EP400: variants seen among roughly 807,000 people sequenced by gnomAD.
EP400 encodes the protein E1A-binding protein p400.
A neutral mutation model predicts 354.1 loss-of-function variants in EP400; 105 were observed. The observed-to-expected ratio is 0.30, with a 90% CI of 0.25 to 0.35. The LOEUF (loss-of-function observed/expected upper bound fraction) is 0.35, where lower values mean the gene tolerates loss of function less well. Among genes scored for constraint, EP400 ranks in the 10% least tolerant of loss-of-function variants. The pLI is 1.00. For missense variants in EP400, 3,280 were observed against 4,121.0 expected (o/e 0.80, Z 5.59); for synonymous variants, 1,646 against 1,716.9 (o/e 0.96, Z 1.02).
chr12:132,017,439 C>G lies in EP400; in HGVS notation c.3924-96C>G. 1.5e-6 allele frequency: 2 copies of G among 1,372,910 alleles called. No homozygotes were observed. Among genetic ancestry groups the G allele is most frequent in the Non-Finnish European group, 2.0e-6 (2 of 997,864 alleles). The allele number at this position is 1,372,910 out of a possible 1,614,324, so 85.0% of individuals were successfully genotyped here. On this transcript the variant is annotated intron_variant, in intron 19 of 52. Transcript: ENST00000389561. This position sits in a 1 kb window ranked among gnomAD's most constrained non-coding sequence, Gnocchi z 5.0. Reference sequence around the variant, plus strand: ...GCGGACCTAGAAAATCTGCTCCTGCCTGCCTTTCTGGAGTTGGGACAGTCG... The same window carrying G: ...GCGGACCTAGAAAATCTGCTCCTGCGTGCCTTTCTGGAGTTGGGACAGTCG...
Position 132,013,309 on chromosome 12 carries a change from C to G in EP400, c.3611+131C>G. 7.0e-7 allele frequency: 1 copy of G among 1,423,920 alleles called. No homozygotes were observed. The allele number at this position is 1,423,920 out of a possible 1,614,324, so 88.2% of individuals were successfully genotyped here. A position where few individuals can be genotyped will look rare whatever the true frequency, so the allele number is the denominator to read the frequency against. On this transcript the variant is annotated intron_variant, in intron 17 of 52. Coordinates refer to ENST00000389561, the MANE Select transcript of EP400 (RefSeq NM_015409.5). The surrounding 1 kb of genome is among the most constrained non-coding windows in gnomAD (Gnocchi z 4.5). ...AGAGAATTGCTTTTCATCTTCATCC[C>G]AGCACATGGGCCAGAGAGCCCCAGA...
At chr12:132,036,798 G>A (rs1189937636) in intron 30 of EP400, among the ~76,000 whole-genome samples, 1 of 152,196 alleles carries the variant, frequency 6.6e-6, no homozygotes, top group Admixed American at 6.5e-5. Flanking sequence ...TTAAAGGCCA[G>A]GAAAGTCTTC....
chr12:132,053,599 T>A lies in EP400; in HGVS notation c.7728+2T>A. On this transcript the variant is annotated splice_donor_variant, in intron 43 of 52. Transcript: ENST00000389561. LOFTEE classifies it high-confidence loss of function. ...ACGGGGGGCAGTGCAGCCGTACTGG[T>A]GAGCAGGGGCCTCCTCCCGGGCTTC... 6.5e-7 allele frequency: 1 copy of A among 1,531,768 alleles called. No individual in the cohort carries two copies. The highest frequency in any genetic ancestry group is 2.1e-4 in the Middle Eastern group (1 of 4,772). 94.9% of individuals were successfully genotyped at this position (1,531,768 alleles called of 1,614,324 possible). A position where few individuals can be genotyped will look rare whatever the true frequency, so the allele number is the denominator to read the frequency against.
chr12:132,006,151 A>G lies in EP400; in HGVS notation c.2975A>G (p.Asp992Gly). Residue 992 changes from aspartate to glycine, a missense_variant, in exon 14 of 53, where the codon GAC (aspartate) becomes GGC (glycine). By Grantham distance (94) the Asp-to-Gly change is moderately conservative. Transcript: ENST00000389561. ...DCPGDRESRK[D>G]LVLIDSLFIM... is the part of the protein sequence containing the mutation. ...CCAGGCGACAGGGAGAGTCGCAAGG[A>G]CTTGGTTCTCATCGACTCGCTTTTC... is the stretch of plus-strand genomic sequence containing the variant. 6.2e-7 allele frequency: 1 copy of G among 1,614,186 alleles called. No individual in the cohort carries two copies. Among genetic ancestry groups the G allele is most frequent in the Non-Finnish European group, 8.5e-7 (1 of 1,180,028 alleles).
chr12:132,055,492 TGA>T lies in EP400; in HGVS notation c.7884+286_7884+287del, dbSNP rs1450700703. Among the ~76,000 whole-genome samples, 16 of 131,910 alleles carry T rather than the reference TGA, an allele frequency of 1.2e-4. No homozygotes were observed. The East Asian group carries it at 3.7e-3, about 31-fold the overall frequency. 86.5% of individuals were successfully genotyped at this position (131,910 alleles called of 152,430 possible). On this transcript the variant is annotated intron_variant, in intron 45 of 52. Transcript: ENST00000389561. ...TGTGTGTGAGGTGTAGGGGTGTGTG[TGA>T]GGTGTAGGTGTGTGTGTGTGAGGTG...
intron 32 of EP400, among the ~76,000 whole-genome samples, chr12:132,040,538 A>C (rs1894864946): frequency 6.6e-6 from 1 of 152,250 alleles, no homozygotes; most frequent in Non-Finnish European, 1.5e-5. Context: ...TTCAACACAC[A>C]GATTCTTTTG....
intron 51 of EP400, among the ~76,000 whole-genome samples, chr12:132,069,978 A>AT (rs1392670777): frequency 6.6e-6 from 1 of 151,836 alleles, no homozygotes; most frequent in Non-Finnish European, 1.5e-5. Flanking sequence ...ATTTTTTGAT[A>AT]TTTTTTGATA....
chr12:131,962,531 CTGTT>C (rs1328130949), intron 2 of EP400, among the ~76,000 whole-genome samples: 7 of 152,156 alleles, frequency 4.6e-5, no homozygotes, highest in Admixed American at 6.5e-5. Flanking sequence ...TGGCAAAAAA[CTGTT>C]TGAGAAGTTA....
intron 34 of EP400, 47 bp downstream of exon 34, chr12:132,043,775 C>A: frequency 6.6e-7 from 1 of 1,510,014 alleles, no homozygotes; most frequent in Non-Finnish European, 9.0e-7. Context: ...GCAATATTTT[C>A]AGAGTTAAGT....
Position 132,006,281 on chromosome 12 carries a change from C to T in EP400, c.3105C>T (p.Gly1035=), listed in dbSNP as rs1176730559. ...TAVAEAILPK[G]SARVTTSVKF... ...TGGCTGAAGCCATCCTGCCGAAGGG[C>T]AGTGCTCGGGTCACAACCTCGGTGA... Residue 1035 remains glycine, a synonymous_variant, in exon 14 of 53, where the codon GGC becomes GGT. Coordinates refer to ENST00000389561, the MANE Select transcript of EP400 (RefSeq NM_015409.5). The T allele has an allele frequency of 6.2e-7, 1 of 1,614,062 alleles. No individual in the cohort carries two copies. Among genetic ancestry groups the T allele is most frequent in the Non-Finnish European group, 8.5e-7 (1 of 1,180,030 alleles).
intron 10 of EP400, among the ~76,000 whole-genome samples, 177 bp from the exon 11 acceptor site, chr12:131,991,996 G>A (rs1443658742): frequency 6.6e-6 from 1 of 152,234 alleles, no homozygotes; most frequent in East Asian, 1.9e-4. Flanking sequence ...AACACAGTGA[G>A]CATTGATCAT....
At chr12:132,044,457 A>G in intron 35 of EP400, 146 bp downstream of exon 35, 1 of 1,305,704 alleles carries the variant, frequency 7.7e-7, no homozygotes, top group East Asian at 2.5e-5. Flanking sequence ...AACCTCACTT[A>G]TGTTCTAAAA....
At position 132,050,818 on chromosome 12, in the gene EP400, C is replaced by T. The variant is rs972069066; in HGVS notation, c.7394+163C>T. 6.0e-5 allele frequency: 49 copies of T among 822,662 alleles called. No homozygotes were observed. Among genetic ancestry groups the T allele is most frequent in the Non-Finnish European group, 7.7e-5 (39 of 504,256 alleles). The allele number at this position is 822,662 out of a possible 1,614,324, so 51.0% of individuals were successfully genotyped here. The stretch of plus-strand genomic sequence containing the variant: ...TGCAGGAGAGAGGTGCTTTTCCTGC[C>T]GTGGGCTAGGGTATGCATAGGACGG... On this transcript the variant is annotated intron_variant, in intron 41 of 52. Transcript: ENST00000389561. The surrounding 1 kb of genome is among the most constrained non-coding windows in gnomAD (Gnocchi z 4.8).
chr12:131,991,229 T>C (rs904334824), intron 9 of EP400, among the ~76,000 whole-genome samples, 178 bp from the exon 10 acceptor site: 1 of 152,152 alleles, frequency 6.6e-6, no homozygotes, highest in Non-Finnish European at 1.5e-5. Context: ...CTGAAAGTCA[T>C]AGAGCCACAA....
In EP400 at chr12:132,073,919, G is replaced by GTTTTTTTT. The variant is rs34186152; in HGVS notation, c.9022-2577_9022-2570dup. ...TTCCGGATTGGCATTGTTTTTTGGG[G>GTTTTTTTT]TTTTTTTTTTTTTTTTTTTTTTTTT... On this transcript the variant is annotated intron_variant, in intron 51 of 52. Transcript: ENST00000389561. Among the ~76,000 whole-genome samples the GTTTTTTTT allele has an allele frequency of 1.1e-4, 9 of 82,134 alleles. 2 individuals are homozygous for GTTTTTTTT. Among genetic ancestry groups the GTTTTTTTT allele is most frequent in the East Asian group, 9.8e-4 (3 of 3,068 alleles). 53.9% of individuals were successfully genotyped at this position (82,134 alleles called of 152,430 possible).
intron 23 of EP400, among the ~76,000 whole-genome samples, chr12:132,022,489 T>C (rs1274575254): frequency 6.6e-6 from 1 of 152,248 alleles, no homozygotes; most frequent in Non-Finnish European, 1.5e-5. Flanking sequence ...AATTCTGGCA[T>C]GGATTTCTCG....
In EP400 at chr12:132,018,461, G is replaced by T; in HGVS notation, c.4277+85G>T. 4 of 1,508,358 alleles carry T rather than the reference G, an allele frequency of 2.7e-6. No individual in the cohort carries two copies. Among genetic ancestry groups the T allele is most frequent in the East Asian group, 2.3e-5 (1 of 43,878 alleles). The allele number at this position is 1,508,358 out of a possible 1,614,324, so 93.4% of individuals were successfully genotyped here. On this transcript the variant is annotated intron_variant, in intron 21 of 52. Transcript: ENST00000389561. The surrounding 1 kb of genome is among the most constrained non-coding windows in gnomAD (Gnocchi z 4.0). ...AGGTCTATGCGTGGTGAAAAGAAAGGCTGCTAATGTAGTTAGGTTATCTGC... is the reference window on the plus strand; with the variant it reads ...AGGTCTATGCGTGGTGAAAAGAAAGTCTGCTAATGTAGTTAGGTTATCTGC...
In EP400 at chr12:132,038,132, G is replaced by C. The variant is rs779389350; in HGVS notation, c.6207+36G>C. 3 of 1,611,812 alleles carry C rather than the reference G, an allele frequency of 1.9e-6. No homozygotes were observed. Among genetic ancestry groups the C allele is most frequent in the Non-Finnish European group, 2.5e-6 (3 of 1,178,410 alleles). ...ATTGAATCTGGCTGAAGAGTTGCAC[G>C]GTGGGAGCCGGCGGAACACCTGCAC... On this transcript the variant is annotated intron_variant, in intron 32 of 52. Transcript: ENST00000389561. The surrounding 1 kb of genome is among the most constrained non-coding windows in gnomAD (Gnocchi z 4.2).
At chr12:132,005,836 C>A (rs1893562484) in intron 13 of EP400, among the ~76,000 whole-genome samples, 1 of 152,134 alleles carries the variant, frequency 6.6e-6, no homozygotes, top group South Asian at 2.1e-4. Flanking sequence ...CTCCTAATTG[C>A]TATGGAGACA....
Sources: gnomAD v4.1 joint callset for allele counts (sites outside exome capture counted in the v4.1 genomes callset) on GRCh38, gnomAD v4.1.1 for gene constraint, Gnocchi (gnomAD v3.1) non-coding constraint, MANE v1.5 for transcripts, NCBI Gene and HGNC (gene_info 2026-07-23, HGNC 2026-07-21) for gene names.